The following GAREM1 variants were observed in gnomAD, a reference collection of about 807,000 sequenced individuals.
GAREM1 encodes the protein GRB2-associated and regulator of MAPK protein 1.
GAREM1 carries 26 observed loss-of-function variants against 71.3 expected under a neutral mutation model. That is an observed-to-expected ratio of 0.36 (90% CI 0.27 to 0.51). GAREM1 has a LOEUF of 0.51. GAREM1 is among the 20% of genes least tolerant of loss of function. The probability of loss-of-function intolerance (pLI) is 0.95; values close to 1 mark genes in which losing one functional copy is unlikely to be tolerated. For synonymous variants in GAREM1, 440 were observed against 433.2 expected (o/e 1.02, Z -0.20); for missense variants, 1,026 against 1,103.1 (o/e 0.93, Z 0.99).
intron 1 of GAREM1, among the ~76,000 whole-genome samples, chr18:32,423,977 A>T (rs1338064100): frequency 1.3e-5 from 2 of 152,016 alleles, no homozygotes; most frequent in African/African-American, 4.8e-5. Context: ...CTACAAAAAA[A>T]ATTCAAAAAT....
rs1253573671 is a variant in GAREM1 at position 32,266,167 on chromosome 18, G to GT, written c.*1703dup. The GT allele has an allele frequency of 6.6e-6, 1 of 152,034 alleles. No homozygotes were observed. Among genetic ancestry groups the GT allele is most frequent in the Non-Finnish European group, 1.5e-5 (1 of 67,992 alleles). 9.4% of individuals were successfully genotyped at this position (152,034 alleles called of 1,614,324 possible). On this transcript the variant is annotated 3_prime_UTR_variant, in exon 6 of 6. Coordinates refer to ENST00000269209, the MANE Select transcript of GAREM1 (RefSeq NM_001242409.2). ...AAGGAGATCTAAGATGGAAAATTGG[G>GT]TATCAATTCACTTCAACTCTAAAAC...
intron 1 of GAREM1, among the ~76,000 whole-genome samples, chr18:32,409,681 C>T (rs1202381586): frequency 1.3e-5 from 2 of 152,250 alleles, no homozygotes; most frequent in East Asian, 3.9e-4. Flanking sequence ...TAGACTCCTG[C>T]TGTATGAAAC....
rs1020039102 is a variant in GAREM1, at chr18:32,438,427, C to G, written c.121+31881G>C. Among the ~76,000 whole-genome samples, 6 of 152,218 alleles carry G rather than the reference C, an allele frequency of 3.9e-5. No homozygotes were observed. The South Asian group carries it at 6.2e-4, about 16-fold the overall frequency. On this transcript the variant is annotated intron_variant, in intron 1 of 5. Coordinates refer to ENST00000269209, the MANE Select transcript of GAREM1 (RefSeq NM_001242409.2). ...CAGCTAGCGCTCCTCCACATGGCCC[C>G]TTCTGCCCTAGAGGCAGCTGAACCC...
At chr18:32,452,328 G>C (rs1233032056) in intron 1 of GAREM1, among the ~76,000 whole-genome samples, 2 of 152,126 alleles carry the variant, frequency 1.3e-5, no homozygotes, top group East Asian at 3.9e-4. Context: ...GAGCCACCAA[G>C]TTAGCCAGAT....
intron 4 of GAREM1, 36 bp from the exon 5 acceptor site, chr18:32,270,419 A>G (rs2041443302): frequency 6.4e-7 from 1 of 1,570,440 alleles, no homozygotes; most frequent in African/African-American, 1.4e-5. Context: ...TTAGCAACAG[A>G]CTGACAATGC....
chr18:32,409,772 T>C (rs1173134786), intron 1 of GAREM1, among the ~76,000 whole-genome samples: 1 of 152,166 alleles, frequency 6.6e-6, no homozygotes, highest in Non-Finnish European at 1.5e-5. Context: ...AAGATAAGAT[T>C]TCTACGCCAA....
chr18:32,339,582 T>G (rs2047629793), intron 2 of GAREM1, among the ~76,000 whole-genome samples: 2 of 152,210 alleles, frequency 1.3e-5, no homozygotes, highest in South Asian at 4.1e-4. Flanking sequence ...CAGCATCCAC[T>G]TTGTGCAGAC....
chr18:32,370,946 G>A (rs1334716217), intron 2 of GAREM1, among the ~76,000 whole-genome samples: 1 of 152,148 alleles, frequency 6.6e-6, no homozygotes, highest in African/African-American at 2.4e-5. Context: ...TCCTCTGACA[G>A]GCACTAGAGA....
rs1238591261 is a variant in GAREM1 at position 32,287,248 on chromosome 18, T to C, written c.1349A>G (p.Glu450Gly). ...CAGCCACAGCTCTTCGTAGGGAAGTTCTGACTTTCCCGGGATGCCTGCTGA... is the reference window on the plus strand; with the variant it reads ...CAGCCACAGCTCTTCGTAGGGAAGTCCTGACTTTCCCGGGATGCCTGCTGA... ...EESAGIPGKS[E>G]LPYEELWLEE... The change falls in exon 4 of 6, where the codon GAA becomes GGA. Residue 450 changes from glutamate to glycine, a missense_variant. Glu to Gly is a moderately conservative substitution (Grantham distance 98). Transcript: ENST00000269209. This position sits in a 1 kb window ranked among gnomAD's most constrained non-coding sequence, Gnocchi z 5.9. 1.2e-6 allele frequency: 2 copies of C among 1,614,094 alleles called. No individual in the cohort carries two copies. The highest frequency in any genetic ancestry group is 3.3e-5 in the Admixed American group (2 of 60,012).
At chr18:32,298,053 TAAACAGATC>T (rs2047161081) in intron 3 of GAREM1, among the ~76,000 whole-genome samples, 1 of 152,236 alleles carries the variant, frequency 6.6e-6, no homozygotes, top group African/African-American at 2.4e-5. Context: ...ACGTACAGAT[TAAACAGATC>T]AAAGTTCTCC....
chr18:32,330,866 AGG>A (rs1313631101), intron 2 of GAREM1, among the ~76,000 whole-genome samples: 3 of 152,308 alleles, frequency 2.0e-5, no homozygotes, highest in African/African-American at 7.2e-5. Context: ...GAACATTTTG[AGG>A]GTCTTACAGC....
At chr18:32,284,147 C>T (rs1490878653) in intron 4 of GAREM1, among the ~76,000 whole-genome samples, 1 of 152,024 alleles carries the variant, frequency 6.6e-6, no homozygotes, top group Non-Finnish European at 1.5e-5. Context: ...TCTCTGGATC[C>T]CACGCACATC....
At chr18:32,286,321 A>AGT (rs140225815) in intron 4 of GAREM1, among the ~76,000 whole-genome samples, 19,973 of 143,128 alleles carry the variant, frequency 0.14, 1,629 homozygotes, top group African/African-American at 0.25. Context: ...CTGGTTCTGG[A>AGT]GTGTGTGTGT....
chr18:32,452,852 CGT>C (rs1491282974), intron 1 of GAREM1, among the ~76,000 whole-genome samples: 8 of 116,088 alleles, frequency 6.9e-5, no homozygotes, highest in Non-Finnish European at 1.2e-4. Flanking sequence ...ATAACTTCTA[CGT>C]TTTTTTTTTT....
chr18:32,343,326 T>TGTTTTG (rs1567972159), intron 2 of GAREM1, among the ~76,000 whole-genome samples: 4 of 150,720 alleles, frequency 2.7e-5, no homozygotes, highest in African/African-American at 9.8e-5. Context: ...TTTTTTTTTT[T>TGTTTTG]TTTTTTGAGA....
chr18:32,378,943 C>T (rs773363414), intron 2 of GAREM1, among the ~76,000 whole-genome samples: 4 of 152,148 alleles, frequency 2.6e-5, no homozygotes, highest in Admixed American at 6.5e-5. Flanking sequence ...TCACTGCTTA[C>T]GGGAGACAGA....
At chr18:32,432,354 A>C (rs2048632264) in intron 1 of GAREM1, among the ~76,000 whole-genome samples, 1 of 152,126 alleles carries the variant, frequency 6.6e-6, no homozygotes, top group Non-Finnish European at 1.5e-5. Flanking sequence ...ACTTTAAGCA[A>C]CTGGAAAAAA....
At chr18:32,469,209 T>A (rs1230982334) in intron 1 of GAREM1, among the ~76,000 whole-genome samples, 1 of 152,244 alleles carries the variant, frequency 6.6e-6, no homozygotes, top group Admixed American at 6.5e-5. Context: ...TTTGTGTATG[T>A]ATACATCTCA....
intron 1 of GAREM1, among the ~76,000 whole-genome samples, chr18:32,422,102 T>C (rs1021631090): frequency 2.6e-5 from 4 of 152,114 alleles, no homozygotes; most frequent in Non-Finnish European, 5.9e-5. Context: ...ACTCTTCATT[T>C]AACATTAGGT....
Sources: gnomAD v4.1 joint callset for allele counts (sites outside exome capture counted in the v4.1 genomes callset) on GRCh38, gnomAD v4.1.1 for gene constraint, Gnocchi (gnomAD v3.1) non-coding constraint, MANE v1.5 for transcripts, NCBI Gene and HGNC (gene_info 2026-07-23, HGNC 2026-07-21) for gene names.